Variants in CUL3 observed in about 807,000 individuals in gnomAD.
CUL3 encodes the protein cullin-3.
Under a neutral mutation model 89.1 loss-of-function variants are expected in CUL3, and 19 were observed. The observed-to-expected ratio is 0.21, with a 90% CI of 0.15 to 0.31. CUL3 has a LOEUF of 0.31. CUL3 is among the 10% of genes least tolerant of loss of function. The probability of loss-of-function intolerance (pLI) is 1.00; values close to 1 mark genes in which losing one functional copy is unlikely to be tolerated. For synonymous variants in CUL3, 351 were observed against 308.4 expected, an observed-to-expected ratio of 1.14 and a Z score of -1.45; for missense variants, 469 against 942.3, an observed-to-expected ratio of 0.50 and a Z score of 6.58.
rs551278501 is a variant in CUL3, at chr2:224,474,356, C to T, written c.2196G>A (p.Ala732=). The T allele has an allele frequency of 4.3e-6, 7 of 1,612,656 alleles. No homozygotes were observed. Among genetic ancestry groups the T allele is most frequent in the Middle Eastern group, 1.7e-4 (1 of 6,056 alleles). ...LVAEVTQQLK[A]RFLPSPVVIK... ...TAACAACTGGACTTGGTAAGAATCG[C>T]GCCTTCAACTGCTGAGTTACCTAAA... The change falls in exon 16 of 16, where the codon GCG becomes GCA. Residue 732 remains alanine, a synonymous_variant. Coordinates refer to ENST00000264414, the MANE Select transcript of CUL3 (RefSeq NM_003590.5).
At chr2:224,559,288 A>G (rs977341340) in intron 1 of CUL3, among the ~76,000 whole-genome samples, 18 of 151,798 alleles carry the variant, frequency 1.2e-4, no homozygotes, top group Non-Finnish European at 2.1e-4. Context: ...TGTCTCTACA[A>G]AAAAATTTTT....
At chr2:224,535,030 A>G (rs1440464414) in intron 3 of CUL3, among the ~76,000 whole-genome samples, 6 of 143,704 alleles carry the variant, frequency 4.2e-5, no homozygotes, top group Non-Finnish European at 9.3e-5. Context: ...ATAAATAAAT[A>G]AATAAATAAA....
intron 3 of CUL3, among the ~76,000 whole-genome samples, chr2:224,532,025 TTA>T (rs1469810390): frequency 6.6e-6 from 1 of 152,158 alleles, no homozygotes; most frequent in Non-Finnish European, 1.5e-5. Context: ...AAAAAAGAAC[TTA>T]TAAGAATAAT....
At chr2:224,512,381 CCACTGTG>C (rs1379816009) in intron 5 of CUL3, among the ~76,000 whole-genome samples, 2 of 152,208 alleles carry the variant, frequency 1.3e-5, no homozygotes, top group African/African-American at 4.8e-5. Context: ...CAGGCGTGAG[CCACTGTG>C]CCCGGCCAAC....
intron 2 of CUL3, among the ~76,000 whole-genome samples, chr2:224,554,195 C>T (rs1694619410): frequency 6.6e-6 from 1 of 152,194 alleles, no homozygotes; most frequent in Non-Finnish European, 1.5e-5. Flanking sequence ...TTCAGGCCAA[C>T]TCCTATGAAG....
intron 1 of CUL3, among the ~76,000 whole-genome samples, chr2:224,571,449 A>T (rs538961857): frequency 3.0e-4 from 46 of 152,270 alleles, no homozygotes; most frequent in African/African-American, 1.1e-3. Flanking sequence ...ACAATGACAA[A>T]TTGATTGTAC....
At chr2:224,532,370 T>G (rs528740263) in intron 3 of CUL3, among the ~76,000 whole-genome samples, 2 of 151,258 alleles carry the variant, frequency 1.3e-5, no homozygotes, top group Admixed American at 1.3e-4. Flanking sequence ...AGAAGGTAGG[T>G]AGGAGGCATA....
chr2:224,575,806 GA>G (rs1297351501), intron 1 of CUL3, among the ~76,000 whole-genome samples: 5 of 152,166 alleles, frequency 3.3e-5, no homozygotes, highest in African/African-American at 1.2e-4. Context: ...GAAGTTTGAA[GA>G]TTTTTAAACT....
chr2:224,543,075 C>A lies in CUL3; in HGVS notation c.265-7434G>T, dbSNP rs193049877. On this transcript the variant is annotated intron_variant, in intron 2 of 15. Transcript: ENST00000264414. Reference sequence around the variant, plus strand: ...TACATTTCAATGCCTGGGGCAAAATCCCAGCCAGCCAATCCTAATTAAATG... The same window carrying A: ...TACATTTCAATGCCTGGGGCAAAATACCAGCCAGCCAATCCTAATTAAATG... Among the ~76,000 whole-genome samples, 3 of 152,252 alleles carry A rather than the reference C, an allele frequency of 2.0e-5. No homozygotes were observed. The East Asian group carries it at 5.8e-4, about 29-fold the overall frequency.
At chr2:224,572,630 GA>G (rs67105454) in intron 1 of CUL3, among the ~76,000 whole-genome samples, 27,132 of 86,426 alleles carry the variant, frequency 0.31, 3,271 homozygotes, top group East Asian at 0.43. Context: ...GAGAGTGAGA[GA>G]AAAAAAAAAA....
intron 2 of CUL3, among the ~76,000 whole-genome samples, chr2:224,546,587 A>G (rs1336243873): frequency 1.3e-5 from 2 of 152,166 alleles, no homozygotes; most frequent in African/African-American, 4.8e-5. Context: ...GAGGAGACAC[A>G]AAGATAAATG....
At chr2:224,482,200 A>G in intron 13 of CUL3, 122 bp from the exon 14 acceptor site, 1 of 662,800 alleles carries the variant, frequency 1.5e-6, no homozygotes, top group East Asian at 3.1e-5. Context: ...TAATGCACAA[A>G]AAAGAATTCT....
chr2:224,584,241 G>A (rs925055539), intron 1 of CUL3, among the ~76,000 whole-genome samples: 1 of 152,038 alleles, frequency 6.6e-6, no homozygotes. Flanking sequence ...CCAAGGCTGA[G>A]AAATGGAGAA....
In CUL3 at chr2:224,535,482, T is replaced by C. The variant is rs373836759; in HGVS notation, c.378+46A>G. The C allele has an allele frequency of 4.2e-5, 57 of 1,368,174 alleles. No individual in the cohort carries two copies. In the African/African-American group the frequency reaches 7.1e-4, roughly 17 times the overall value. The allele number at this position is 1,368,174 out of a possible 1,614,324, so 84.8% of individuals were successfully genotyped here. A position where few individuals can be genotyped will look rare whatever the true frequency, so the allele number is the denominator to read the frequency against. ...ACCGTGCCCAGCCTTCAACTTCAAA[T>C]GCTTAACTGCTTAAAGGAAGAAAAC... On this transcript the variant is annotated intron_variant, in intron 3 of 15. Transcript: ENST00000264414.
At chr2:224,499,557 C>A in intron 11 of CUL3, 1 of 220,052 alleles carries the variant, frequency 4.5e-6, no homozygotes. Flanking sequence ...CTGATCCCAG[C>A]AGCAAGATGC....
intron 2 of CUL3, among the ~76,000 whole-genome samples, chr2:224,540,199 G>A (rs1314233796): frequency 1.3e-5 from 2 of 151,960 alleles, no homozygotes; most frequent in African/African-American, 4.8e-5. Flanking sequence ...TGGGATTACA[G>A]GTGTGCGCCA....
chr2:224,567,468 G>A (rs528873573), intron 1 of CUL3, among the ~76,000 whole-genome samples: 4 of 152,160 alleles, frequency 2.6e-5, no homozygotes, highest in Admixed American at 6.5e-5. Flanking sequence ...GGCCGGGCAC[G>A]GTGGCTCACG....
At chr2:224,562,617 A>G (rs1474177173) in intron 1 of CUL3, 2 of 151,314 alleles carry the variant, frequency 1.3e-5, no homozygotes, top group African/African-American at 4.9e-5. Context: ...CAGCCTAGGC[A>G]ACAGAGCAAG....
chr2:224,488,394 G>A (rs1392644209), intron 13 of CUL3, among the ~76,000 whole-genome samples: 1 of 151,848 alleles, frequency 6.6e-6, no homozygotes, highest in Non-Finnish European at 1.5e-5. Flanking sequence ...AAAGGAGAGA[G>A]AAGAATCAAA....
Sources: gnomAD v4.1 joint callset for allele counts (sites outside exome capture counted in the v4.1 genomes callset) on GRCh38, gnomAD v4.1.1 for gene constraint, MANE v1.5 for transcripts, NCBI Gene and HGNC (gene_info 2026-07-23, HGNC 2026-07-21) for gene names.